Variants in CCS observed in about 807,000 individuals in gnomAD.
CCS encodes superoxide dismutase copper chaperone.
CCS carries 32 observed loss-of-function variants against 35.5 expected under a neutral mutation model. The observed-to-expected ratio is 0.90, with a 90% CI of 0.68 to 1.21. The LOEUF (loss-of-function observed/expected upper bound fraction) is 1.21, where lower values mean the gene tolerates loss of function less well. Among genes scored for constraint, CCS ranks in the 50% most tolerant of loss-of-function variants. CCS has a pLI of 0.00. For synonymous variants in CCS, 130 were observed against 147.2 expected (o/e 0.88, Z 0.84); for missense variants, 342 against 375.4 (o/e 0.91, Z 0.73).
At chr11:66,602,096 T>G (rs1858580882) in intron 5 of CCS, among the ~76,000 whole-genome samples, 1 of 152,336 alleles carries the variant, frequency 6.6e-6, no homozygotes, top group African/African-American at 2.4e-5. Flanking sequence ...TGGAGAGGCA[T>G]TTCTTATAGA....
chr11:66,600,399 G>C (rs1858553530), intron 4 of CCS, 90 bp from the exon 5 acceptor site: 3 of 768,786 alleles, frequency 3.9e-6, no homozygotes, highest in East Asian at 5.8e-5. Flanking sequence ...ATGAATGAAT[G>C]AATGAATGAA....
chr11:66,605,060 C>T (rs1858631380), intron 5 of CCS: 8 of 1,345,428 alleles, frequency 5.9e-6, no homozygotes, highest in Non-Finnish European at 6.9e-6. Flanking sequence ...TCCACTGGCT[C>T]TTTTCAGCCC....
rs752012956 is a variant in CCS, at chr11:66,599,218, A to G, written c.215A>G (p.Gln72Arg). 6.2e-5 allele frequency: 100 copies of G among 1,612,602 alleles called. No individual in the cohort carries two copies. The highest frequency in any genetic ancestry group is 8.3e-5 in the Non-Finnish European group (98 of 1,179,424). ...GCTCTCCTGGAAGGCACGGGGCGGC[A>G]GGCGGTACTCAAGGGCATGGGCAGC... ...VQALLEGTGR[Q>R]AVLKGMGSGQ... Residue 72 changes from glutamine (Q) to arginine (R), a missense_variant, in exon 3 of 8, where the codon CAG becomes CGG. Gln to Arg is a conservative substitution (Grantham distance 43). Coordinates refer to ENST00000533244, the MANE Select transcript of CCS (RefSeq NM_005125.2).
chr11:66,600,200 G>A, intron 4 of CCS: 1 of 299,296 alleles, frequency 3.3e-6, no homozygotes, highest in African/African-American at 2.2e-5. Context: ...TGAGATGGAA[G>A]GGGACTTCTG....
chr11:66,596,278 G>A lies in CCS; in HGVS notation c.112+2564G>A, dbSNP rs954838591. Among the ~76,000 whole-genome samples the A allele has an allele frequency of 3.9e-5, 6 of 152,082 alleles. No individual in the cohort carries two copies. The Middle Eastern group carries it at 0.01, about 260-fold the overall frequency. ...GATGGAGTTTTGCCATGTTGGCAAG[G>A]CTAGTATCGAACTCCTGGCCTCATG... is the stretch of plus-strand genomic sequence containing the variant. On this transcript the variant is annotated intron_variant, in intron 2 of 7. Transcript: ENST00000533244.
chr11:66,600,695 T>C, intron 5 of CCS, 146 bp downstream of exon 5: 1 of 464,014 alleles, frequency 2.2e-6, no homozygotes, highest in African/African-American at 2.0e-5. Flanking sequence ...TTTGGAAACA[T>C]TTGTTGACAC....
chr11:66,602,446 G>A (rs937427394), intron 5 of CCS, among the ~76,000 whole-genome samples: 4 of 152,130 alleles, frequency 2.6e-5, no homozygotes, highest in Admixed American at 6.5e-5. Context: ...CAGAGTGAAT[G>A]AGCGAGAGAG....
chr11:66,597,107 G>A (rs556267149), intron 2 of CCS, among the ~76,000 whole-genome samples: 1 of 152,344 alleles, frequency 6.6e-6, no homozygotes, highest in East Asian at 1.9e-4. Flanking sequence ...CCCAGTAAGT[G>A]TTAGCTCTAC....
intron 5 of CCS, among the ~76,000 whole-genome samples, chr11:66,602,920 TC>T (rs969009286): frequency 6.6e-6 from 1 of 152,224 alleles, no homozygotes; most frequent in African/African-American, 2.4e-5. Flanking sequence ...GGAAAAGAAT[TC>T]CATGTGGGAA....
intron 2 of CCS, among the ~76,000 whole-genome samples, chr11:66,595,248 T>C (rs1858457052): frequency 6.6e-6 from 1 of 152,212 alleles, no homozygotes; most frequent in Non-Finnish European, 1.5e-5. Flanking sequence ...TAGGGGATTA[T>C]GAGAAGAAGG....
chr11:66,606,004 T>G lies in CCS; in HGVS notation c.*149T>G, dbSNP rs1858653692. The G allele has an allele frequency of 6.1e-6, 5 of 813,050 alleles. No homozygotes were observed. In the East Asian group the frequency reaches 1.5e-4, roughly 25 times the overall value. 50.4% of individuals were successfully genotyped at this position (813,050 alleles called of 1,614,324 possible). A position where few individuals can be genotyped will look rare whatever the true frequency, so the allele number is the denominator to read the frequency against. ...GGTGTTCCCTTGGCAAATGAAAGTT[T>G]TATTTTCGTTTGGGACTTGGTGTTT... On this transcript the variant is annotated 3_prime_UTR_variant, in exon 8 of 8. Coordinates refer to ENST00000533244, the MANE Select transcript of CCS (RefSeq NM_005125.2).
Position 66,593,248 on chromosome 11 carries a change from T to A in CCS, c.-14T>A. 6.4e-7 allele frequency: 1 copy of A among 1,560,216 alleles called. No homozygotes were observed. The highest frequency in any genetic ancestry group is 8.7e-7 in the Non-Finnish European group (1 of 1,152,646). On this transcript the variant is annotated 5_prime_UTR_variant, in exon 1 of 8. Coordinates refer to ENST00000533244, the MANE Select transcript of CCS (RefSeq NM_005125.2). The stretch of plus-strand genomic sequence containing the variant: ...GGAGGAGTTCTGCGTCTCGGGGTGG[T>A]GACTGGGTCCAGAATGGCTTCGGAT...
intron 2 of CCS, among the ~76,000 whole-genome samples, chr11:66,597,804 C>T (rs1459623232): frequency 6.6e-6 from 1 of 151,400 alleles, no homozygotes; most frequent in Non-Finnish European, 1.5e-5. Context: ...CACAGTGGCT[C>T]ACGCCTGTAA....
intron 2 of CCS, 147 bp from the exon 3 acceptor site, chr11:66,598,969 A>G (rs1858525439): frequency 1.2e-6 from 1 of 839,420 alleles, no homozygotes. Context: ...AGGCTTACTC[A>G]GGGTTACACA....
In CCS at chr11:66,599,143, A is replaced by T; in HGVS notation, c.140A>T (p.Glu47Val). ...GTCCAGGATGTGGAGGTGCACTTGG[A>T]GGACCAGATGGTCTTGGTACACACC... is the stretch of plus-strand genomic sequence containing the variant. ...AGVQDVEVHLEDQMVLVHTTL... is the reference protein window; with the variant it reads ...AGVQDVEVHLVDQMVLVHTTL... The change falls in exon 3 of 8, where the codon GAG becomes GTG. Residue 47 changes from glutamate (E) to valine (V), a missense_variant. Glu to Val is a moderately radical substitution (Grantham distance 121). Coordinates refer to ENST00000533244, the MANE Select transcript of CCS (RefSeq NM_005125.2). 2 of 1,613,980 alleles carry T rather than the reference A, an allele frequency of 1.2e-6. No homozygotes were observed. Among genetic ancestry groups the T allele is most frequent in the Non-Finnish European group, 1.7e-6 (2 of 1,179,976 alleles).
At chr11:66,603,981 A>G (rs1037561381) in intron 5 of CCS, among the ~76,000 whole-genome samples, 1 of 151,008 alleles carries the variant, frequency 6.6e-6, no homozygotes, top group African/African-American at 2.4e-5. Flanking sequence ...GTGAGCCCAG[A>G]TCGCACCACT....
At chr11:66,595,489 G>T (rs1007754922) in intron 2 of CCS, among the ~76,000 whole-genome samples, 1 of 152,108 alleles carries the variant, frequency 6.6e-6, no homozygotes, top group Non-Finnish European at 1.5e-5. Context: ...TTTCTGGTCC[G>T]GCTTGGCTTT....
intron 5 of CCS, 63 bp downstream of exon 5, chr11:66,600,612 A>AT: frequency 1.2e-6 from 1 of 828,884 alleles, no homozygotes; most frequent in East Asian, 2.9e-5. Flanking sequence ...GAGGCAGGGC[A>AT]GGCAGCTCTT....
At chr11:66,595,755 A>C (rs943542528) in intron 2 of CCS, among the ~76,000 whole-genome samples, 1 of 152,066 alleles carries the variant, frequency 6.6e-6, no homozygotes, top group Non-Finnish European at 1.5e-5. Flanking sequence ...GTCTTAACTC[A>C]AGGAGCAAAC....
Sources: gnomAD v4.1 joint callset for allele counts (sites outside exome capture counted in the v4.1 genomes callset) on GRCh38, gnomAD v4.1.1 for gene constraint, MANE v1.5 for transcripts, NCBI Gene and HGNC (gene_info 2026-07-23, HGNC 2026-07-21) for gene names.